Variants in POLA1 observed in about 807,000 individuals in gnomAD.
POLA1 encodes DNA polymerase alpha 1, catalytic subunit.
In POLA1, 15 loss-of-function variants were observed where a neutral mutation model predicts 124.0. The observed-to-expected ratio is 0.12, with a 90% CI of 0.08 to 0.19. The LOEUF is 0.19. Among genes scored for constraint, POLA1 ranks in the 10% least tolerant of loss-of-function variants. POLA1 has a pLI of 1.00. For missense variants in POLA1, 886 were observed against 1,103.4 expected (o/e 0.80, Z 2.79); for synonymous variants, 408 against 389.4 (o/e 1.05, Z -0.56).
chrX:24,973,976 C>T (rs1407636646), intron 36 of POLA1, among the ~76,000 whole-genome samples: 4 of 109,827 alleles, frequency 3.6e-5, no homozygotes, highest in African/African-American at 1.0e-4. Flanking sequence ...ATTGTTCATA[C>T]TTGTTTTCTT....
chrX:24,727,169 C>T (rs1369388499), intron 14 of POLA1, 98 bp downstream of exon 14: 2 of 709,411 alleles, frequency 2.8e-6, no homozygotes, highest in African/African-American at 4.5e-5. Context: ...TTTAATGTGT[C>T]TACTTCCTTT....
chrX:24,847,637 A>G (rs1250466749), intron 34 of POLA1, among the ~76,000 whole-genome samples: 1 of 111,887 alleles, frequency 8.9e-6, no homozygotes, highest in Non-Finnish European at 1.9e-5. Flanking sequence ...CTCCATAGAA[A>G]GTTGTTGTAG....
At position 24,821,478 on chromosome X, in the gene POLA1, C is replaced by T. The variant is rs772260402; in HGVS notation, c.3456C>T (p.Tyr1152=). Residue 1152 remains tyrosine, a synonymous_variant, in exon 31 of 37, where the codon TAC becomes TAT. Coordinates refer to ENST00000379068, the MANE Select transcript of POLA1 (RefSeq NM_001330360.2). ...CATTGACAAAGGATCCCCAGGATTA[C>T]CCTGATAAAAAAAGCCTACCTCATG... ...NKALTKDPQD[Y]PDKKSLPHVH... is the part of the protein sequence containing the mutation. 5.0e-6 allele frequency: 6 copies of T among 1,203,103 alleles called. No individual in the cohort carries two copies. The highest frequency in any genetic ancestry group is 6.7e-6 in the Non-Finnish European group (6 of 890,171).
chrX:24,841,927 C>A, intron 33 of POLA1, 97 bp downstream of exon 33: 1 of 566,915 alleles, frequency 1.8e-6, no homozygotes, highest in Admixed American at 3.4e-5. Flanking sequence ...GAAATAAACA[C>A]ACACATGTTG....
intron 36 of POLA1, among the ~76,000 whole-genome samples, chrX:24,950,700 T>C (rs976861634): frequency 8.9e-6 from 1 of 112,172 alleles, no homozygotes. Flanking sequence ...TTAAAGTTCT[T>C]AATGTATATT....
intron 36 of POLA1, among the ~76,000 whole-genome samples, chrX:24,951,359 A>G (rs1469927804): frequency 1.9e-4 from 2 of 10,330 alleles, no homozygotes; most frequent in African/African-American, 4.9e-4. Context: ...CCCCCCCCCC[A>G]CCAAATGCAG....
intron 34 of POLA1, among the ~76,000 whole-genome samples, chrX:24,873,088 T>A (rs145504380): frequency 1.2e-3 from 130 of 111,609 alleles, no homozygotes; most frequent in African/African-American, 4.1e-3. Context: ...CTTGGTGCTG[T>A]GCATTTTATA....
intron 34 of POLA1, 80 bp from the exon 35 acceptor site, chrX:24,887,926 G>T: frequency 1.7e-6 from 1 of 584,158 alleles, no homozygotes; most frequent in South Asian, 2.4e-5. Context: ...AATAAAATGA[G>T]TCTATCTTGA....
chrX:24,774,888 A>G (rs575462670), intron 26 of POLA1, among the ~76,000 whole-genome samples: 4 of 112,240 alleles, frequency 3.6e-5, no homozygotes, highest in African/African-American at 1.3e-4. Flanking sequence ...AGTTAGTGAC[A>G]CGTAGTATAC....
intron 36 of POLA1, among the ~76,000 whole-genome samples, chrX:24,982,471 C>T (rs1401148003): frequency 9.2e-6 from 1 of 109,257 alleles, no homozygotes. Context: ...ATTGTCTTCA[C>T]CTCCCTGTTG....
intron 20 of POLA1, among the ~76,000 whole-genome samples, chrX:24,740,852 T>C (rs1410208703): frequency 1.8e-5 from 2 of 112,181 alleles, no homozygotes; most frequent in African/African-American, 6.5e-5. Context: ...TCTCTGCTTC[T>C]GATACTTAAT....
intron 35 of POLA1, among the ~76,000 whole-genome samples, chrX:24,890,446 A>G (rs1045768810): frequency 3.6e-5 from 4 of 111,740 alleles, no homozygotes; most frequent in African/African-American, 9.8e-5. Flanking sequence ...ATTTTAGGCT[A>G]TTTTCAATAT....
chrX:24,896,891 A>G, intron 35 of POLA1, among the ~76,000 whole-genome samples: 2 of 112,438 alleles, frequency 1.8e-5, no homozygotes, highest in Admixed American at 1.9e-4. Context: ...TCGTAAGACG[A>G]GAGACTGGGA....
At chrX:24,916,477 C>T (rs2047535099) in intron 35 of POLA1, among the ~76,000 whole-genome samples, 1 of 109,671 alleles carries the variant, frequency 9.1e-6, no homozygotes, top group Non-Finnish European at 1.9e-5. Flanking sequence ...CAGGGTTTCA[C>T]CATGTTGGCC....
At chrX:24,815,291 A>G (rs2045975152) in intron 30 of POLA1, among the ~76,000 whole-genome samples, 180 bp downstream of exon 30, 1 of 111,460 alleles carries the variant, frequency 9.0e-6, no homozygotes, top group Non-Finnish European at 1.9e-5. Context: ...AGGTACTGCC[A>G]TGTCTGCCAC....
intron 34 of POLA1, among the ~76,000 whole-genome samples, chrX:24,878,731 TA>T (rs11288921): frequency 0.091 from 9,026 of 99,458 alleles, 980 homozygotes; most frequent in African/African-American, 0.3. Flanking sequence ...TTAGATTTAG[TA>T]AAAAAAAAAA....
intron 26 of POLA1, among the ~76,000 whole-genome samples, chrX:24,752,013 T>G (rs1932348204): frequency 8.9e-6 from 1 of 111,840 alleles, no homozygotes; most frequent in Non-Finnish European, 1.9e-5. Context: ...TTGCAAAAGA[T>G]TATAAAATTT....
At chrX:24,807,926 G>C (rs778348378) in intron 26 of POLA1, among the ~76,000 whole-genome samples, 45 of 112,021 alleles carry the variant, frequency 4.0e-4, no homozygotes, top group Admixed American at 1.0e-3. Flanking sequence ...ACAGTTAACT[G>C]TTGGAAGACT....
At chrX:24,924,235 C>T (rs780363900) in intron 35 of POLA1, among the ~76,000 whole-genome samples, 33 of 111,707 alleles carry the variant, frequency 3.0e-4, no homozygotes, top group African/African-American at 1.0e-3. Context: ...TCATGGTGCT[C>T]GGTGCTTTTT....
Sources: gnomAD v4.1 joint callset for allele counts (sites outside exome capture counted in the v4.1 genomes callset) on GRCh38, gnomAD v4.1.1 for gene constraint, MANE v1.5 for transcripts, NCBI Gene and HGNC (gene_info 2026-07-23, HGNC 2026-07-21) for gene names.